PHF21A: variants seen among roughly 807,000 people sequenced by gnomAD.
PHF21A encodes PHD finger protein 21A, also known as BHC80a.
A neutral mutation model predicts 82.5 loss-of-function variants in PHF21A; 11 were observed. The observed-to-expected ratio is 0.13, with a 90% CI of 0.08 to 0.22. The LOEUF (loss-of-function observed/expected upper bound fraction) is 0.22. Among genes scored for constraint, PHF21A ranks in the 10% least tolerant of loss-of-function variants. PHF21A has a pLI of 1.00. For missense variants in PHF21A, 579 were observed against 837.8 expected, an observed-to-expected ratio of 0.69 and a Z score of 3.81; for synonymous variants, 297 against 302.8, an observed-to-expected ratio of 0.98 and a Z score of 0.20.
At chr11:46,053,158 T>C (rs1219171473) in intron 6 of PHF21A, among the ~76,000 whole-genome samples, 1 of 152,190 alleles carries the variant, frequency 6.6e-6, no homozygotes, top group Admixed American at 6.5e-5. Context: ...TAGAAGTTGA[T>C]TTAGTGTCCT....
chr11:45,940,909 G>T (rs1208334723), intron 15 of PHF21A, among the ~76,000 whole-genome samples: 1 of 152,080 alleles, frequency 6.6e-6, no homozygotes, highest in Non-Finnish European at 1.5e-5. Context: ...AGCACATCAA[G>T]AAACAGAAGG....
Position 46,091,778 on chromosome 11 carries a change from A to T in PHF21A, c.-196+405T>A, listed in dbSNP as rs540287044. ...TGCCAGCTTCAAGCTGGATGACTTG[A>T]ATTGGCTCAAGCCATCCTCCTGCCT... is the stretch of plus-strand genomic sequence containing the variant. On this transcript the variant is annotated intron_variant, in intron 2 of 18. Transcript: ENST00000676320. Among the ~76,000 whole-genome samples the T allele has an allele frequency of 4.6e-5, 7 of 152,318 alleles. No homozygotes were observed. The South Asian group carries it at 1.4e-3, about 32-fold the overall frequency.
intron 1 of PHF21A, among the ~76,000 whole-genome samples, chr11:46,109,809 G>A (rs556029001): frequency 1.3e-5 from 2 of 151,954 alleles, no homozygotes; most frequent in Non-Finnish European, 2.9e-5. Flanking sequence ...TGGTGAAACC[G>A]TCTCTACTGA....
At chr11:46,036,610 T>C (rs748775163) in intron 6 of PHF21A, among the ~76,000 whole-genome samples, 4 of 152,198 alleles carry the variant, frequency 2.6e-5, no homozygotes, top group Non-Finnish European at 5.9e-5. Flanking sequence ...AAGGTACAGG[T>C]ATACATTTCT....
intron 14 of PHF21A, among the ~76,000 whole-genome samples, chr11:45,948,146 T>C (rs956352491): frequency 6.6e-6 from 1 of 152,234 alleles, no homozygotes; most frequent in Admixed American, 6.5e-5. Flanking sequence ...TTGGGATGTA[T>C]TACTGACATC....
intron 6 of PHF21A, among the ~76,000 whole-genome samples, chr11:46,022,171 A>C (rs2095645100): frequency 6.6e-6 from 1 of 152,118 alleles, no homozygotes; most frequent in South Asian, 2.1e-4. Context: ...AAGAGACAGG[A>C]GCTGGTTGTG....
chr11:46,004,078 G>A (rs59671545), intron 6 of PHF21A, among the ~76,000 whole-genome samples: 9 of 151,886 alleles, frequency 5.9e-5, no homozygotes, highest in African/African-American at 9.7e-5. Context: ...TTTTTTAAAC[G>A]GAGTCACAAA....
chr11:46,018,066 C>T (rs1487926715), intron 6 of PHF21A, among the ~76,000 whole-genome samples: 4 of 151,674 alleles, frequency 2.6e-5, no homozygotes, highest in Admixed American at 6.6e-5. Flanking sequence ...CCGGCTAAAA[C>T]GGTGAAACCC....
At chr11:46,076,646 C>A in intron 6 of PHF21A, 108 bp downstream of exon 6, 2 of 824,138 alleles carry the variant, frequency 2.4e-6, no homozygotes. Context: ...TGGCTGCCCA[C>A]ACTTATTTTC....
intron 15 of PHF21A, among the ~76,000 whole-genome samples, chr11:45,940,640 A>AT (rs1440632911): frequency 8.8e-5 from 7 of 79,324 alleles, no homozygotes; most frequent in Non-Finnish European, 1.6e-4. Context: ...ATTAACTATG[A>AT]TTTTCTTCCT....
At chr11:46,099,185 AAATT>A (rs2097051769) in intron 1 of PHF21A, among the ~76,000 whole-genome samples, 1 of 152,222 alleles carries the variant, frequency 6.6e-6, no homozygotes, top group Admixed American at 6.5e-5. Context: ...AAATTTTAAA[AAATT>A]AAAGCACAGT....
chr11:45,937,813 T>C (rs1369077532), intron 16 of PHF21A, among the ~76,000 whole-genome samples: 6 of 152,326 alleles, frequency 3.9e-5, no homozygotes, highest in Non-Finnish European at 7.3e-5. Flanking sequence ...AACTGGGCAA[T>C]TTCCCTTAAT....
intron 6 of PHF21A, among the ~76,000 whole-genome samples, chr11:46,045,294 A>G (rs530315772): frequency 2.1e-4 from 32 of 152,334 alleles, no homozygotes; most frequent in African/African-American, 7.5e-4. Context: ...ATGAAAGATC[A>G]TAAGCATTAG....
intron 6 of PHF21A, among the ~76,000 whole-genome samples, chr11:45,983,750 C>T (rs2094391658): frequency 1.3e-5 from 2 of 152,130 alleles, no homozygotes; most frequent in African/African-American, 4.8e-5. Flanking sequence ...CTGGCAAACA[C>T]AGCACTCAAA....
At chr11:46,066,152 A>T (rs2096591556) in intron 6 of PHF21A, among the ~76,000 whole-genome samples, 1 of 152,230 alleles carries the variant, frequency 6.6e-6, no homozygotes, top group East Asian at 1.9e-4. Context: ...TTTGATACAC[A>T]GGCAACATTA....
intron 6 of PHF21A, among the ~76,000 whole-genome samples, chr11:46,040,860 A>C (rs1252962900): frequency 6.6e-6 from 1 of 150,532 alleles, no homozygotes; most frequent in African/African-American, 2.5e-5. Context: ...ATATAAATCT[A>C]TTTCACCCTT....
chr11:46,108,112 C>T (rs966588659), intron 1 of PHF21A, among the ~76,000 whole-genome samples: 1 of 151,970 alleles, frequency 6.6e-6, no homozygotes, highest in South Asian at 2.1e-4. Flanking sequence ...AGGTTTGCCC[C>T]AATTCTTGCC....
At chr11:45,964,950 A>G (rs2093343561) in intron 10 of PHF21A, among the ~76,000 whole-genome samples, 1 of 152,122 alleles carries the variant, frequency 6.6e-6, no homozygotes, top group African/African-American at 2.4e-5. Flanking sequence ...TCACAGTCCT[A>G]CCTTCATCTG....
At chr11:46,081,449 T>C (rs1434135111) in intron 4 of PHF21A, among the ~76,000 whole-genome samples, 1 of 152,232 alleles carries the variant, frequency 6.6e-6, no homozygotes, top group East Asian at 1.9e-4. Context: ...TACTACGCTG[T>C]AACGTTTTAG....
Sources: allele counts gnomAD v4.1 joint callset (sites outside exome capture counted in the v4.1 genomes callset), GRCh38; gene constraint gnomAD v4.1.1; transcripts MANE v1.5; gene names NCBI Gene and HGNC (gene_info 2026-07-23, HGNC 2026-07-21).